The following DCLK1 variants were observed in gnomAD, a reference collection of about 807,000 sequenced individuals.
DCLK1 encodes the protein doublecortin like kinase 1.
DCLK1 carries 16 observed loss-of-function variants against 86.2 expected under a neutral mutation model. The observed-to-expected ratio is 0.19, with a 90% CI of 0.13 to 0.28. The LOEUF is 0.28. Among genes scored for constraint, DCLK1 ranks in the 10% least tolerant of loss-of-function variants. DCLK1 has a pLI of 1.00. For synonymous variants in DCLK1, 369 were observed against 370.5 expected, an observed-to-expected ratio of 1.00 and a Z score of 0.05; for missense variants, 590 against 940.2, an observed-to-expected ratio of 0.63 and a Z score of 4.87.
chr13:35,785,829 C>T (rs889919823), intron 16 of DCLK1, among the ~76,000 whole-genome samples: 23 of 152,196 alleles, frequency 1.5e-4, no homozygotes, highest in African/African-American at 5.5e-4. Flanking sequence ...CAAATGCTCC[C>T]ACTTCTGCGG....
intron 3 of DCLK1, among the ~76,000 whole-genome samples, chr13:36,084,647 A>T (rs1884533282): frequency 6.6e-6 from 1 of 152,178 alleles, no homozygotes; most frequent in East Asian, 1.9e-4. Flanking sequence ...AGCTACAATC[A>T]TTCTGCCATT....
At chr13:35,882,901 A>T (rs1267272481) in intron 4 of DCLK1, among the ~76,000 whole-genome samples, 1 of 152,232 alleles carries the variant, frequency 6.6e-6, no homozygotes, top group Non-Finnish European at 1.5e-5. Flanking sequence ...AAACAAGAAC[A>T]AGAGCTGAGT....
intron 4 of DCLK1, among the ~76,000 whole-genome samples, chr13:35,928,601 T>C (rs1291804147): frequency 1.3e-5 from 2 of 152,238 alleles, no homozygotes; most frequent in Non-Finnish European, 2.9e-5. Context: ...AGATTTTGTA[T>C]GTTAAATGCA....
At chr13:36,044,211 C>G (rs1178085222) in intron 3 of DCLK1, among the ~76,000 whole-genome samples, 1 of 152,162 alleles carries the variant, frequency 6.6e-6, no homozygotes, top group African/African-American at 2.4e-5. Flanking sequence ...TTCTTGTGGC[C>G]TCACCTGAAG....
At chr13:35,876,244 C>T (rs1872584981) in intron 4 of DCLK1, among the ~76,000 whole-genome samples, 1 of 152,140 alleles carries the variant, frequency 6.6e-6, no homozygotes, top group Non-Finnish European at 1.5e-5. Context: ...AAGATAATTA[C>T]AAATATTTCA....
chr13:35,886,848 T>C (rs988113947), intron 4 of DCLK1, among the ~76,000 whole-genome samples: 2 of 152,122 alleles, frequency 1.3e-5, no homozygotes, highest in African/African-American at 2.4e-5. Flanking sequence ...GGATAAAACA[T>C]TTAGAAAACC....
chr13:35,908,710 A>G (rs1474539079), intron 4 of DCLK1, among the ~76,000 whole-genome samples: 1 of 152,148 alleles, frequency 6.6e-6, no homozygotes, highest in Non-Finnish European at 1.5e-5. Flanking sequence ...ATCTTGGCTC[A>G]CTGCAACCTC....
chr13:35,970,407 C>T (rs1297745870), intron 3 of DCLK1, among the ~76,000 whole-genome samples: 1 of 152,138 alleles, frequency 6.6e-6, no homozygotes, highest in African/African-American at 2.4e-5. Flanking sequence ...ATGGTTAATC[C>T]TACTGTTTGA....
intron 3 of DCLK1, among the ~76,000 whole-genome samples, chr13:36,054,172 A>G (rs1883218793): frequency 6.6e-6 from 1 of 152,118 alleles, no homozygotes; most frequent in African/African-American, 2.4e-5. Context: ...GCTGGGGCAA[A>G]GGCTTGGTAG....
At chr13:35,895,016 G>A (rs905030086) in intron 4 of DCLK1, among the ~76,000 whole-genome samples, 1 of 152,226 alleles carries the variant, frequency 6.6e-6, no homozygotes, top group East Asian at 1.9e-4. Flanking sequence ...GTGTGATCAT[G>A]GCTCACTGCA....
At chr13:36,039,516 A>T (rs1040161889) in intron 3 of DCLK1, among the ~76,000 whole-genome samples, 4 of 152,176 alleles carry the variant, frequency 2.6e-5, no homozygotes, top group African/African-American at 9.7e-5. Context: ...TTCTAAAGCT[A>T]AACCAGAGAG....
Position 36,062,953 on chromosome 13 carries a change from A to G in DCLK1, c.723+48916T>C, listed in dbSNP as rs74805034. Among the ~76,000 whole-genome samples the G allele has an allele frequency of 2.4e-4, 36 of 152,320 alleles. 1 individual carries two copies. The East Asian group carries it at 7.0e-3, about 29-fold the overall frequency. The stretch of plus-strand genomic sequence containing the variant: ...AATGAGTATATTTCCTGAGATGACC[A>G]TAATGCAAGGTCTTTGTGTATTTGT... On this transcript the variant is annotated intron_variant, in intron 3 of 16. Coordinates refer to ENST00000360631, the MANE Select transcript of DCLK1 (RefSeq NM_001330071.2).
chr13:35,985,331 G>A (rs549153290), intron 3 of DCLK1, among the ~76,000 whole-genome samples: 1 of 152,014 alleles, frequency 6.6e-6, no homozygotes, highest in South Asian at 2.1e-4. Context: ...AGCAGGTGTG[G>A]CACTGGCAGG....
In DCLK1 at chr13:35,770,395, A is replaced by T. The variant is rs1446115941; in HGVS notation, c.*4140T>A. On this transcript the variant is annotated 3_prime_UTR_variant, in exon 17 of 17. Transcript: ENST00000360631. ...AATGTTAATTTTGGAAGTGCTTTTA[A>T]TCACTATTTTCCCCAACAGACTAGA... The T allele has an allele frequency of 6.6e-6, 1 of 152,204 alleles. No individual in the cohort carries two copies. Among genetic ancestry groups the T allele is most frequent in the Non-Finnish European group, 1.5e-5 (1 of 68,034 alleles). 9.4% of individuals were successfully genotyped at this position (152,204 alleles called of 1,614,324 possible).
In DCLK1 at chr13:35,921,409, G is replaced by A. The variant is rs956891734; in HGVS notation, c.823+25949C>T. On this transcript the variant is annotated intron_variant, in intron 4 of 16. Coordinates refer to ENST00000360631, the MANE Select transcript of DCLK1 (RefSeq NM_001330071.2). The stretch of plus-strand genomic sequence containing the variant: ...CCCATGGAGCATCAGACCCCACCTC[G>A]GGCACCAGCTAACATCTATCACTCC... Among the ~76,000 whole-genome samples, 3 of 152,054 alleles carry A rather than the reference G, an allele frequency of 2.0e-5. No homozygotes were observed. The East Asian group carries it at 5.8e-4, about 29-fold the overall frequency.
chr13:35,800,077 C>T lies in DCLK1; in HGVS notation c.1944+5622G>A, dbSNP rs1289030071. On this transcript the variant is annotated intron_variant, in intron 15 of 16. Transcript: ENST00000360631. ...TCTATCTGGATCTGTGACACACAAA[C>T]AGGATCATGTTGGGGGATGACAGTC... is the stretch of plus-strand genomic sequence containing the variant. Among the ~76,000 whole-genome samples the T allele has an allele frequency of 5.3e-5, 8 of 152,328 alleles. No individual in the cohort carries two copies. The South Asian group carries it at 1.4e-3, about 28-fold the overall frequency.
At chr13:36,070,581 CTT>C (rs1178643653) in intron 3 of DCLK1, among the ~76,000 whole-genome samples, 1 of 152,128 alleles carries the variant, frequency 6.6e-6, no homozygotes, top group Admixed American at 6.5e-5. Flanking sequence ...TTCTCCTTCA[CTT>C]TTGGTTTTTA....
intron 5 of DCLK1, among the ~76,000 whole-genome samples, chr13:35,861,235 A>G (rs1871362106): frequency 1.3e-5 from 2 of 150,628 alleles, no homozygotes; most frequent in Non-Finnish European, 2.9e-5. Context: ...GATTTGGGGT[A>G]CAAGAAAAAA....
intron 11 of DCLK1, among the ~76,000 whole-genome samples, chr13:35,812,301 GTAATTCCA>G (rs1390549665): frequency 1.4e-5 from 2 of 143,700 alleles, no homozygotes; most frequent in African/African-American, 5.5e-5. Context: ...TAAAAGGCTA[GTAATTCCA>G]GCAAGGGCAA....
Sources: gnomAD v4.1 joint callset for allele counts (sites outside exome capture counted in the v4.1 genomes callset) on GRCh38, gnomAD v4.1.1 for gene constraint, MANE v1.5 for transcripts, NCBI Gene and HGNC (gene_info 2026-07-23, HGNC 2026-07-21) for gene names.